The following SNX29 variants were observed in gnomAD, a reference collection of about 807,000 sequenced individuals.
SNX29 encodes the protein sorting nexin 29.
Under a neutral mutation model 102.1 loss-of-function variants are expected in SNX29, and 78 were observed. The ratio of observed to expected loss-of-function variants is 0.76; its 90% CI spans 0.64 to 0.92. The LOEUF is 0.92. Ranked by LOEUF, SNX29 falls within the 40% of genes least tolerant of loss-of-function variation. The pLI is 0.00. For missense variants in SNX29, 1,280 were observed against 1,061.7 expected (o/e 1.21, Z -2.86); for synonymous variants, 580 against 414.5 (o/e 1.40, Z -4.85).
At chr16:12,563,600 ATCACCACATC>A (rs891213206) in intron 20 of SNX29, among the ~76,000 whole-genome samples, 1 of 123,468 alleles carries the variant, frequency 8.1e-6, no homozygotes, top group Non-Finnish European at 1.9e-5. Context: ...CCATGTCTGT[ATCACCACATC>A]TCACAGACGA....
chr16:12,119,076 T>G (rs1344376514), intron 11 of SNX29, among the ~76,000 whole-genome samples: 3 of 152,220 alleles, frequency 2.0e-5, no homozygotes, highest in Non-Finnish European at 4.4e-5. Flanking sequence ...TGGACCTGTG[T>G]GGTAAGAACC....
intron 18 of SNX29, among the ~76,000 whole-genome samples, chr16:12,424,061 C>G (rs1028989238): frequency 1.3e-5 from 2 of 152,220 alleles, no homozygotes; most frequent in Non-Finnish European, 1.5e-5. Context: ...GCAGCCTTAG[C>G]TTTGCACATG....
chr16:12,481,395 T>TATATACAC (rs536664184), intron 19 of SNX29, among the ~76,000 whole-genome samples: 4 of 149,740 alleles, frequency 2.7e-5, no homozygotes, highest in Admixed American at 6.7e-5. Context: ...TATATATATA[T>TATATACAC]ACACACACAC....
intron 14 of SNX29, among the ~76,000 whole-genome samples, chr16:12,228,815 C>T (rs1431454374): frequency 1.3e-5 from 2 of 152,220 alleles, no homozygotes; most frequent in Non-Finnish European, 2.9e-5. Context: ...GCTAGGGGCA[C>T]AGAGACTTGA....
chr16:12,383,772 C>CTTTT (rs58531196), intron 16 of SNX29, among the ~76,000 whole-genome samples: 15 of 105,936 alleles, frequency 1.4e-4, no homozygotes, highest in East Asian at 2.7e-4. Flanking sequence ...CGTCAACTTT[C>CTTTT]TTTTTTTTTT....
chr16:12,089,603 G>T (rs377458508), intron 11 of SNX29, among the ~76,000 whole-genome samples: 1 of 152,216 alleles, frequency 6.6e-6, no homozygotes, highest in African/African-American at 2.4e-5. Flanking sequence ...AGGATGGGGG[G>T]TTTGGCCTGT....
intron 11 of SNX29, among the ~76,000 whole-genome samples, chr16:12,118,620 G>A (rs975158442): frequency 6.6e-6 from 1 of 151,988 alleles, no homozygotes; most frequent in Non-Finnish European, 1.5e-5. Flanking sequence ...CCGCCCTAGA[G>A]ACCACCTTTT....
chr16:12,118,242 T>C (rs1424198402), intron 11 of SNX29, among the ~76,000 whole-genome samples: 2 of 151,328 alleles, frequency 1.3e-5, no homozygotes, highest in Non-Finnish European at 2.9e-5. Context: ...TTCTGGTGAG[T>C]ACTCCTTTAA....
intron 20 of SNX29, chr16:12,527,072 C>T (rs766918007): frequency 1.8e-5 from 8 of 438,320 alleles, no homozygotes; most frequent in African/African-American, 7.9e-5. Context: ...TTGGTCTAGA[C>T]CCCAGTTGAA....
At chr16:12,029,993 AG>A (rs1360574248) in intron 4 of SNX29, among the ~76,000 whole-genome samples, 2 of 152,192 alleles carry the variant, frequency 1.3e-5, no homozygotes, top group Non-Finnish European at 2.9e-5. Context: ...CCAGAGACAC[AG>A]TTACTGTTGC....
At chr16:12,285,434 A>G (rs2079563948) in intron 15 of SNX29, among the ~76,000 whole-genome samples, 1 of 152,236 alleles carries the variant, frequency 6.6e-6, no homozygotes, top group Admixed American at 6.5e-5. Context: ...GAGTGTGGTT[A>G]GTCCCTGAAT....
At chr16:12,433,803 G>T (rs1051276428) in intron 18 of SNX29, among the ~76,000 whole-genome samples, 1 of 152,132 alleles carries the variant, frequency 6.6e-6, no homozygotes. Flanking sequence ...CAGCCCAGGC[G>T]ACAGAGTGAG....
rs1266141457 is a variant in SNX29, at chr16:12,138,033, A to T, written c.1595+8275A>T. ...GGACTCAACAGAAAAGAGTGTTGTT[A>T]TTGATTAGCAATGTCTGCCATGCCC... is the stretch of plus-strand genomic sequence containing the variant. On this transcript the variant is annotated intron_variant, in intron 13 of 20. Coordinates refer to ENST00000566228, the MANE Select transcript of SNX29 (RefSeq NM_032167.5). Among the ~76,000 whole-genome samples, 5 of 152,208 alleles carry T rather than the reference A, an allele frequency of 3.3e-5. No homozygotes were observed. In the East Asian group the frequency reaches 9.7e-4, roughly 29 times the overall value.
intron 16 of SNX29, among the ~76,000 whole-genome samples, chr16:12,380,991 A>C (rs1597159439): frequency 4.1e-5 from 3 of 73,836 alleles, no homozygotes; most frequent in Admixed American, 1.4e-4. Flanking sequence ...CCATCCATCC[A>C]CCCACCCACC....
chr16:12,450,321 G>C (rs559661139), intron 18 of SNX29, among the ~76,000 whole-genome samples: 11 of 152,336 alleles, frequency 7.2e-5, no homozygotes, highest in African/African-American at 2.4e-4. Flanking sequence ...GCTCTTGAGT[G>C]GTGGGGCTGT....
chr16:12,020,598 A>C (rs1019067241), intron 3 of SNX29, among the ~76,000 whole-genome samples: 1 of 151,810 alleles, frequency 6.6e-6, no homozygotes, highest in African/African-American at 2.4e-5. Context: ...TTTGAAAATT[A>C]ATTAAACATA....
intron 20 of SNX29, among the ~76,000 whole-genome samples, chr16:12,559,849 C>G (rs752284342): frequency 6.6e-6 from 1 of 152,114 alleles, no homozygotes; most frequent in Non-Finnish European, 1.5e-5. Flanking sequence ...TGCCAGACTG[C>G]TTTGATTTAA....
chr16:12,249,629 A>G (rs1188499978), intron 14 of SNX29, among the ~76,000 whole-genome samples: 3 of 152,206 alleles, frequency 2.0e-5, no homozygotes, highest in Admixed American at 1.3e-4. Context: ...CTCTCTATTG[A>G]TAGGACCCCA....
At chr16:12,018,982 C>G (rs934269099) in intron 3 of SNX29, among the ~76,000 whole-genome samples, 1 of 151,294 alleles carries the variant, frequency 6.6e-6, no homozygotes, top group Non-Finnish European at 1.5e-5. Context: ...TTTAATATTA[C>G]AATCTAACCT....
Sources: gnomAD v4.1 joint callset for allele counts (sites outside exome capture counted in the v4.1 genomes callset) on GRCh38, gnomAD v4.1.1 for gene constraint, MANE v1.5 for transcripts, NCBI Gene and HGNC (gene_info 2026-07-23, HGNC 2026-07-21) for gene names.